The following MDGA2 variants were observed in gnomAD, a reference collection of about 807,000 sequenced individuals.
MDGA2 encodes MAM domain containing glycosylphosphatidylinositol anchor 2.
A neutral mutation model predicts 117.8 loss-of-function variants in MDGA2; 40 were observed. That is an observed-to-expected ratio of 0.34 (90% CI 0.26 to 0.44). The LOEUF is 0.44. Among genes scored for constraint, MDGA2 ranks in the 20% least tolerant of loss-of-function variants. The pLI, the probability that MDGA2 is intolerant of heterozygous loss-of-function variation, is 1.00. For missense variants in MDGA2, 1,123 were observed against 1,250.6 expected, an observed-to-expected ratio of 0.90 and a Z score of 1.54; for synonymous variants, 452 against 439.0, an observed-to-expected ratio of 1.03 and a Z score of -0.37.
intron 1 of MDGA2, among the ~76,000 whole-genome samples, chr14:47,474,419 T>C (rs1011383974): frequency 2.0e-5 from 3 of 152,026 alleles, no homozygotes; most frequent in African/African-American, 7.2e-5. Context: ...AAGCAATTTA[T>C]AGATTCAATG....
At chr14:47,068,006 T>G (rs549537914) in intron 6 of MDGA2, among the ~76,000 whole-genome samples, 15 of 152,100 alleles carry the variant, frequency 9.9e-5, no homozygotes, top group Non-Finnish European at 1.8e-4. Flanking sequence ...CAAAAATACG[T>G]TACACCCTTC....
intron 1 of MDGA2, among the ~76,000 whole-genome samples, chr14:47,370,497 T>TTTTTTTTTTTTTTTCTTTG (rs1555376841): frequency 3.7e-5 from 1 of 27,068 alleles, no homozygotes. Context: ...TTTTTTTTTT[T>TTTTTTTTTTTTTTTCTTTG]TGTGTGTGTG....
At chr14:46,925,111 T>C (rs1884277045) in intron 9 of MDGA2, among the ~76,000 whole-genome samples, 2 of 152,200 alleles carry the variant, frequency 1.3e-5, no homozygotes, top group Admixed American at 1.3e-4. Flanking sequence ...TATGTTACCA[T>C]AAAATTTTTT....
chr14:47,191,429 TA>T (rs1489819374), intron 3 of MDGA2, among the ~76,000 whole-genome samples: 1 of 146,096 alleles, frequency 6.8e-6, no homozygotes, highest in Non-Finnish European at 1.5e-5. Context: ...CATATATATA[TA>T]TATATATGAA....
At chr14:47,042,284 G>T (rs1889096819) in intron 7 of MDGA2, among the ~76,000 whole-genome samples, 1 of 148,898 alleles carries the variant, frequency 6.7e-6, no homozygotes, top group Admixed American at 6.8e-5. Context: ...ATTTGTAGAT[G>T]CAAATAATCC....
At chr14:46,957,344 T>C (rs776502048) in intron 9 of MDGA2, 30 bp downstream of exon 9, 32 of 1,596,306 alleles carry the variant, frequency 2.0e-5, no homozygotes, top group Admixed American at 7.0e-5. Context: ...TAAAACAAAA[T>C]GTATAAAAAG....
chr14:47,489,379 T>C (rs1326543314), intron 1 of MDGA2, among the ~76,000 whole-genome samples: 1 of 152,094 alleles, frequency 6.6e-6, no homozygotes, highest in Non-Finnish European at 1.5e-5. Flanking sequence ...TTAGTTTATG[T>C]TTTATCCCTG....
intron 1 of MDGA2, among the ~76,000 whole-genome samples, chr14:47,427,048 T>C (rs1205584476): frequency 6.6e-6 from 1 of 152,126 alleles, no homozygotes; most frequent in Non-Finnish European, 1.5e-5. Context: ...AAATAACTTA[T>C]GTTACTAGTT....
chr14:47,455,674 T>A (rs1893334483), intron 1 of MDGA2, among the ~76,000 whole-genome samples: 2 of 151,920 alleles, frequency 1.3e-5, no homozygotes, highest in African/African-American at 4.8e-5. Context: ...TACTTATGAG[T>A]GAATGTAAAT....
chr14:47,476,342 A>T (rs564521089), intron 1 of MDGA2, among the ~76,000 whole-genome samples: 1 of 152,270 alleles, frequency 6.6e-6, no homozygotes, highest in African/African-American at 2.4e-5. Context: ...ACAATAAAAT[A>T]ATGTTAAATA....
chr14:47,476,222 C>A (rs1413088936), intron 1 of MDGA2, among the ~76,000 whole-genome samples: 3 of 152,060 alleles, frequency 2.0e-5, no homozygotes, highest in African/African-American at 7.2e-5. Context: ...AAGAAAAGGG[C>A]AGTCACACTT....
chr14:47,093,642 T>A (rs1171839241), intron 6 of MDGA2, among the ~76,000 whole-genome samples: 1 of 152,124 alleles, frequency 6.6e-6, no homozygotes, highest in African/African-American at 2.4e-5. Context: ...ATAAATGTTC[T>A]CCCAAAGTAG....
intron 6 of MDGA2, among the ~76,000 whole-genome samples, chr14:47,065,233 C>T (rs2138807416): frequency 6.6e-6 from 1 of 152,188 alleles, no homozygotes; most frequent in East Asian, 1.9e-4. Flanking sequence ...TGAATACAGG[C>T]TTGGCCTATA....
At chr14:47,659,805 C>T (rs1043465992) in intron 1 of MDGA2, among the ~76,000 whole-genome samples, 2 of 152,146 alleles carry the variant, frequency 1.3e-5, no homozygotes, top group Non-Finnish European at 2.9e-5. Context: ...TGTAAAATCA[C>T]GAAATCTATT....
intron 1 of MDGA2, among the ~76,000 whole-genome samples, chr14:47,305,577 A>G (rs1484941282): frequency 6.6e-6 from 1 of 152,206 alleles, no homozygotes; most frequent in Non-Finnish European, 1.5e-5. Context: ...GAAATAGTAC[A>G]AATAAATTAT....
At chr14:47,005,077 T>C (rs566724204) in intron 8 of MDGA2, among the ~76,000 whole-genome samples, 1 of 151,794 alleles carries the variant, frequency 6.6e-6, no homozygotes, top group African/African-American at 2.4e-5. Context: ...CTTTGCAATA[T>C]TGATGCGATT....
chr14:46,912,407 A>G (rs970426316), intron 10 of MDGA2, among the ~76,000 whole-genome samples: 6 of 152,204 alleles, frequency 3.9e-5, no homozygotes, highest in Non-Finnish European at 8.8e-5. Context: ...CTTCAGTTTC[A>G]TATCTAATGC....
chr14:47,661,825 T>C (rs1391213539), intron 1 of MDGA2, among the ~76,000 whole-genome samples: 2 of 139,460 alleles, frequency 1.4e-5, no homozygotes, highest in Admixed American at 1.5e-4. Flanking sequence ...AACCTCTGCC[T>C]CTCAGGTTCA....
intron 3 of MDGA2, among the ~76,000 whole-genome samples, chr14:47,164,066 TTTG>T: frequency 6.6e-6 from 1 of 152,374 alleles, no homozygotes; most frequent in South Asian, 2.1e-4. Context: ...TACTTATTTA[TTTG>T]TTTAGTTAGT....
Sources: gnomAD v4.1 joint callset for allele counts (sites outside exome capture counted in the v4.1 genomes callset) on GRCh38, gnomAD v4.1.1 for gene constraint, MANE v1.5 for transcripts, NCBI Gene and HGNC (gene_info 2026-07-23, HGNC 2026-07-21) for gene names.